Variants in TCERG1L observed in about 807,000 individuals in gnomAD.
The protein encoded by TCERG1L is transcription elongation regulator 1 like.
A neutral mutation model predicts 56.3 loss-of-function variants in TCERG1L; 37 were observed. The ratio of observed to expected loss-of-function variants is 0.66; its 90% CI spans 0.51 to 0.87. The LOEUF is 0.87. Ranked by LOEUF, TCERG1L falls within the 40% of genes least tolerant of loss-of-function variation. The pLI, the probability that TCERG1L is intolerant of heterozygous loss-of-function variation, is 0.00. For missense variants in TCERG1L, 799 were observed against 774.2 expected, an observed-to-expected ratio of 1.03 and a Z score of -0.38; for synonymous variants, 324 against 326.3, an observed-to-expected ratio of 0.99 and a Z score of 0.08.
chr10:131,192,501 A>T (rs1845315769), intron 4 of TCERG1L, among the ~76,000 whole-genome samples: 1 of 144,546 alleles, frequency 6.9e-6, no homozygotes, highest in Non-Finnish European at 1.5e-5. Context: ...CATTTGATCC[A>T]GCAATCCCAC....
intron 3 of TCERG1L, among the ~76,000 whole-genome samples, chr10:131,304,772 T>C (rs1401527133): frequency 6.6e-6 from 1 of 152,126 alleles, no homozygotes; most frequent in Non-Finnish European, 1.5e-5. Context: ...CTTCTGTGGC[T>C]CCTCTGCTTC....
chr10:131,155,633 C>T (rs1845911312), intron 6 of TCERG1L, among the ~76,000 whole-genome samples: 2 of 152,192 alleles, frequency 1.3e-5, no homozygotes, highest in Non-Finnish European at 2.9e-5. Context: ...ATCTCCCCGC[C>T]AGTCGCCAGT....
At chr10:131,159,778 C>A (rs1699659204) in intron 6 of TCERG1L, among the ~76,000 whole-genome samples, 1 of 152,120 alleles carries the variant, frequency 6.6e-6, no homozygotes, top group African/African-American at 2.4e-5. Context: ...CATCATGCTG[C>A]CATTAGTGAG....
intron 4 of TCERG1L, among the ~76,000 whole-genome samples, chr10:131,256,948 AGAAGGAAGGAAGGAAGGAAG>A (rs71009955): frequency 1.3e-4 from 8 of 60,736 alleles, no homozygotes; most frequent in Non-Finnish European, 1.7e-4. Context: ...AGGAAGAGAA[AGAAGGAAGGAAGGAAGGAAG>A]GAAGGAAGGA....
At chr10:131,116,012 G>A (rs536838949) in intron 9 of TCERG1L, among the ~76,000 whole-genome samples, 64 of 152,318 alleles carry the variant, frequency 4.2e-4, no homozygotes, top group Non-Finnish European at 7.5e-4. Flanking sequence ...AAGTCTGAAA[G>A]GCCATTTGCG....
intron 11 of TCERG1L, 90 bp from the exon 12 acceptor site, chr10:131,093,408 C>A: frequency 6.7e-7 from 1 of 1,486,334 alleles, no homozygotes; most frequent in Non-Finnish European, 9.1e-7. Context: ...GAGCAAGCAT[C>A]CAGCCCTTCC....
At chr10:131,164,730 T>C (rs1335558528) in intron 5 of TCERG1L, among the ~76,000 whole-genome samples, 1 of 152,186 alleles carries the variant, frequency 6.6e-6, no homozygotes, top group East Asian at 1.9e-4. Context: ...ATTAAAAAAA[T>C]TGAAAGTCAT....
At chr10:131,232,466 G>A (rs1490818082) in intron 4 of TCERG1L, among the ~76,000 whole-genome samples, 3 of 152,224 alleles carry the variant, frequency 2.0e-5, no homozygotes, top group Non-Finnish European at 4.4e-5. Context: ...ACACGCACAC[G>A]CTCACCTGGC....
chr10:131,235,606 G>C (rs1460386962), intron 4 of TCERG1L, among the ~76,000 whole-genome samples: 1 of 152,200 alleles, frequency 6.6e-6, no homozygotes, highest in East Asian at 1.9e-4. Flanking sequence ...AACAGAATTA[G>C]ATCAGTCTCT....
At chr10:131,256,736 T>A (rs1476962206) in intron 4 of TCERG1L, among the ~76,000 whole-genome samples, 1 of 151,304 alleles carries the variant, frequency 6.6e-6, no homozygotes, top group African/African-American at 2.4e-5. Flanking sequence ...ATACAAAAAT[T>A]ACCTGGGCAT....
intron 3 of TCERG1L, among the ~76,000 whole-genome samples, chr10:131,282,943 A>G (rs1322787094): frequency 3.9e-5 from 6 of 152,354 alleles, no homozygotes; most frequent in African/African-American, 1.2e-4. Context: ...CTAACTTTCT[A>G]AGAAAATTAA....
At chr10:131,187,701 T>C (rs1158011443) in intron 4 of TCERG1L, among the ~76,000 whole-genome samples, 1 of 152,166 alleles carries the variant, frequency 6.6e-6, no homozygotes, top group Non-Finnish European at 1.5e-5. Context: ...CCGACCTAAC[T>C]GAGCTGCAAC....
chr10:131,117,154 C>T (rs929191332), intron 8 of TCERG1L, among the ~76,000 whole-genome samples: 4 of 152,270 alleles, frequency 2.6e-5, no homozygotes, highest in African/African-American at 9.6e-5. Flanking sequence ...GGAATTGAAG[C>T]CCCAGCCCCG....
intron 4 of TCERG1L, among the ~76,000 whole-genome samples, chr10:131,248,266 C>A (rs4751351): frequency 1.4e-5 from 1 of 71,788 alleles, no homozygotes; most frequent in Non-Finnish European, 2.7e-5. Flanking sequence ...AAACTCACAC[C>A]CACACACCCA....
chr10:131,131,693 G>C (rs1041854141), intron 8 of TCERG1L, among the ~76,000 whole-genome samples: 27 of 152,086 alleles, frequency 1.8e-4, no homozygotes, highest in African/African-American at 6.0e-4. Context: ...ATTATGCCAG[G>C]GTTCACAAGA....
chr10:131,289,172 C>T (rs2133570947), intron 3 of TCERG1L, among the ~76,000 whole-genome samples: 1 of 151,402 alleles, frequency 6.6e-6, no homozygotes, highest in East Asian at 1.9e-4. Flanking sequence ...CAAGCATCGC[C>T]TTAACACAGG....
At chr10:131,130,493 C>A (rs1845606569) in intron 8 of TCERG1L, among the ~76,000 whole-genome samples, 1 of 152,184 alleles carries the variant, frequency 6.6e-6, no homozygotes, top group Non-Finnish European at 1.5e-5. Flanking sequence ...TTCTTCCATC[C>A]TGGCTGTCCC....
At chr10:131,184,400 C>T (rs562719675) in intron 4 of TCERG1L, among the ~76,000 whole-genome samples, 25 of 152,348 alleles carry the variant, frequency 1.6e-4, no homozygotes, top group African/African-American at 5.8e-4. Flanking sequence ...GAACAACTAT[C>T]GCTGGAGGAG....
intron 4 of TCERG1L, among the ~76,000 whole-genome samples, chr10:131,199,638 G>A (rs1201206379): frequency 1.3e-5 from 2 of 152,188 alleles, no homozygotes; most frequent in African/African-American, 2.4e-5. Context: ...CAGCAGTCAC[G>A]TCACACCCCC....
Sources: gnomAD v4.1 joint callset for allele counts (sites outside exome capture counted in the v4.1 genomes callset) on GRCh38, gnomAD v4.1.1 for gene constraint, MANE v1.5 for transcripts, NCBI Gene and HGNC (gene_info 2026-07-23, HGNC 2026-07-21) for gene names.